Variants in MYBL1 observed in about 807,000 individuals in gnomAD.
The protein encoded by MYBL1 is MYB proto-oncogene like 1.
A neutral mutation model predicts 96.3 loss-of-function variants in MYBL1; 17 were observed. The ratio of observed to expected loss-of-function variants is 0.18; its 90% CI spans 0.12 to 0.26. The LOEUF (loss-of-function observed/expected upper bound fraction) is 0.26, where lower values mean the gene tolerates loss of function less well. Among genes scored for constraint, MYBL1 ranks in the 10% least tolerant of loss-of-function variants. MYBL1 has a pLI of 1.00. For missense variants in MYBL1, 701 were observed against 882.9 expected (o/e 0.79, Z 2.61); for synonymous variants, 282 against 292.7 (o/e 0.96, Z 0.37).
At chr8:66,602,293 C>T (rs1039161543) in intron 2 of MYBL1, 125 bp downstream of exon 2, 15 of 467,626 alleles carry the variant, frequency 3.2e-5, no homozygotes, top group Non-Finnish European at 5.6e-5. Flanking sequence ...TCAAGTGATC[C>T]GCCCATCTCG....
chr8:66,586,234 T>C (rs1429029227), intron 8 of MYBL1, among the ~76,000 whole-genome samples: 3 of 151,840 alleles, frequency 2.0e-5, no homozygotes, highest in Non-Finnish European at 4.4e-5. Context: ...TTTGTAAAGA[T>C]GGGGTTTCAC....
chr8:66,569,132 G>A (rs1000533313), intron 12 of MYBL1, among the ~76,000 whole-genome samples: 15 of 152,104 alleles, frequency 9.9e-5, no homozygotes, highest in African/African-American at 3.1e-4. Flanking sequence ...AAAGGCCCCA[G>A]TGTGTGCTGT....
chr8:66,568,660 ATTAACT>A (rs1229611748), intron 12 of MYBL1, among the ~76,000 whole-genome samples: 9 of 152,118 alleles, frequency 5.9e-5, no homozygotes, highest in Admixed American at 1.3e-4. Context: ...CTTTTTTCAA[ATTAACT>A]TTTAAGTTCA....
chr8:66,605,968 G>C (rs1053820919), intron 1 of MYBL1, among the ~76,000 whole-genome samples: 1 of 152,120 alleles, frequency 6.6e-6, no homozygotes, highest in African/African-American at 2.4e-5. Context: ...AACTGGAAGA[G>C]GGGAATATTA....
intron 10 of MYBL1, among the ~76,000 whole-genome samples, chr8:66,575,073 G>A (rs370053513): frequency 3.3e-5 from 5 of 151,754 alleles, no homozygotes; most frequent in South Asian, 4.2e-4. Flanking sequence ...AAAAAAAAGC[G>A]TTTGGCAAAC....
chr8:66,599,145 G>T lies in MYBL1; in HGVS notation c.199-3C>A. On this transcript the variant is annotated splice_polypyrimidine_tract_variant and splice_region_variant and intron_variant, in intron 3 of 15. Transcript: ENST00000522677. ...TGGCACTGAAAATCAGAGCGATTCT[G>T]AAAAAATTTAGAAGATTTTGTTATT... The T allele has an allele frequency of 6.4e-7, 1 of 1,559,104 alleles. No individual in the cohort carries two copies. Among genetic ancestry groups the T allele is most frequent in the South Asian group, 1.2e-5 (1 of 81,548 alleles).
rs561036519 is a variant in MYBL1 at position 66,568,046 on chromosome 8, CAA to C, written c.1729-1056_1729-1055del. On this transcript the variant is annotated intron_variant, in intron 12 of 15. Coordinates refer to ENST00000522677, the MANE Select transcript of MYBL1 (RefSeq NM_001080416.4). Reference sequence around the variant, plus strand: ...TGGGCAACAGAGCCAGACTCCGTCTCAAAAAAAAAAAAAAAACAACAACAACA... The same window carrying C: ...TGGGCAACAGAGCCAGACTCCGTCTCAAAAAAAAAAAAAACAACAACAACA... Among the ~76,000 whole-genome samples the C allele has an allele frequency of 2.5e-4, 17 of 67,122 alleles. No individual in the cohort carries two copies. The South Asian group carries it at 5.6e-3, about 22-fold the overall frequency. 44.0% of individuals were successfully genotyped at this position (67,122 alleles called of 152,430 possible). A position where few individuals can be genotyped will look rare whatever the true frequency, so the allele number is the denominator to read the frequency against.
chr8:66,602,318 TG>T, intron 2 of MYBL1, 99 bp downstream of exon 2: 1 of 700,726 alleles, frequency 1.4e-6, no homozygotes, highest in Non-Finnish European at 2.2e-6. Context: ...CCCAAAGGGC[TG>T]GGATTACAGG....
chr8:66,602,846 C>T (rs1313305585), intron 1 of MYBL1, among the ~76,000 whole-genome samples: 2 of 147,548 alleles, frequency 1.4e-5, no homozygotes, highest in Non-Finnish European at 1.5e-5. Context: ...CCCAGGTTCA[C>T]GCCATTCTCC....
chr8:66,568,748 C>T (rs192572675), intron 12 of MYBL1, among the ~76,000 whole-genome samples: 397 of 152,028 alleles, frequency 2.6e-3, no homozygotes, highest in African/African-American at 9.0e-3. Flanking sequence ...ATCACCCAGC[C>T]GGGCGCAGTG....
chr8:66,611,438 C>T (rs1366150545), intron 1 of MYBL1, among the ~76,000 whole-genome samples: 1 of 152,132 alleles, frequency 6.6e-6, no homozygotes, highest in Non-Finnish European at 1.5e-5. Flanking sequence ...AAGGGTGGTT[C>T]TTTCCTGGGT....
intron 8 of MYBL1, among the ~76,000 whole-genome samples, chr8:66,582,698 G>A (rs181613085): frequency 2.1e-5 from 3 of 145,334 alleles, no homozygotes; most frequent in African/African-American, 7.7e-5. Context: ...AGCCTGGGGG[G>A]ACGGAGTGAA....
intron 12 of MYBL1, among the ~76,000 whole-genome samples, chr8:66,569,140 T>TA (rs1233638112): frequency 6.6e-6 from 1 of 152,208 alleles, no homozygotes; most frequent in Non-Finnish European, 1.5e-5. Flanking sequence ...CAGTGTGTGC[T>TA]GTTCCTCTCT....
chr8:66,599,437 A>C (rs1809979331), intron 3 of MYBL1, among the ~76,000 whole-genome samples: 1 of 152,224 alleles, frequency 6.6e-6, no homozygotes, highest in Non-Finnish European at 1.5e-5. Flanking sequence ...CAGATAACTG[A>C]AATAAAGAAA....
chr8:66,604,977 T>C (rs985060182), intron 1 of MYBL1, among the ~76,000 whole-genome samples: 3 of 152,142 alleles, frequency 2.0e-5, no homozygotes, highest in African/African-American at 7.2e-5. Flanking sequence ...CAGGTGGATG[T>C]CTGGAACAGC....
In MYBL1 at chr8:66,602,485, T is replaced by C; in HGVS notation, c.59A>G (p.Asp20Gly). 6.2e-7 allele frequency: 1 copy of C among 1,609,568 alleles called. No individual in the cohort carries two copies. The highest frequency in any genetic ancestry group is 8.5e-7 in the Non-Finnish European group (1 of 1,177,344). ...EDDDLQYADH[D>G]YEVPQQKGLK... is the part of the protein sequence containing the mutation. ...TCCTTTTTGTTGTGGTACTTCATAATCATGATCGGCATACTGAAGGTCATC... is the reference window on the plus strand; with the variant it reads ...TCCTTTTTGTTGTGGTACTTCATAACCATGATCGGCATACTGAAGGTCATC... Residue 20 changes from aspartate to glycine, a missense_variant, in exon 2 of 16, where the codon GAT (aspartate) becomes GGT (glycine). Around this residue, in one of 5 missense-constraint regions of MYBL1, gnomAD observed 68 missense variants for 93.8 expected, o/e 0.72. Transcript: ENST00000522677.
rs762005753 is a variant in MYBL1, at chr8:66,612,791, A to AAC, written c.20+27_20+28insGT. On this transcript the variant is annotated intron_variant, in intron 1 of 15. Transcript: ENST00000522677. Reference sequence around the variant, plus strand: ...GAATCTGAGCCGAGACGGCGCCGACAGGCCTGGGCGAAAGGGGTGCCACCC... The same window carrying AAC: ...GAATCTGAGCCGAGACGGCGCCGACAACGGCCTGGGCGAAAGGGGTGCCACCC... 3 of 1,352,394 alleles carry AAC rather than the reference A, an allele frequency of 2.2e-6. No homozygotes were observed. In the African/African-American group the frequency reaches 4.5e-5, roughly 20 times the overall value. The allele number at this position is 1,352,394 out of a possible 1,614,324, so 83.8% of individuals were successfully genotyped here. A position where few individuals can be genotyped will look rare whatever the true frequency, so the allele number is the denominator to read the frequency against.
intron 2 of MYBL1, among the ~76,000 whole-genome samples, chr8:66,601,978 G>T (rs1174711613): frequency 6.6e-6 from 1 of 152,074 alleles, no homozygotes. Flanking sequence ...TGAAGAAAAA[G>T]AACGTACAGT....
chr8:66,574,261 C>A (rs114338735), intron 10 of MYBL1, among the ~76,000 whole-genome samples: 1 of 152,106 alleles, frequency 6.6e-6, no homozygotes, highest in African/African-American at 2.4e-5. Context: ...CTCTTTTACA[C>A]GATAAAATCC....
Sources: allele counts gnomAD v4.1 joint callset (sites outside exome capture counted in the v4.1 genomes callset), GRCh38; gene constraint gnomAD v4.1.1; regional missense constraint gnomAD v4.1.1; transcripts MANE v1.5; gene names NCBI Gene and HGNC (gene_info 2026-07-23, HGNC 2026-07-21).